R3HCC1L: variants seen among roughly 807,000 people sequenced by gnomAD.
The protein encoded by R3HCC1L is R3H domain and coiled-coil containing 1 like.
R3HCC1L carries 51 observed loss-of-function variants against 59.9 expected under a neutral mutation model. The ratio of observed to expected loss-of-function variants is 0.85; its 90% CI spans 0.68 to 1.07. The LOEUF (loss-of-function observed/expected upper bound fraction) is 1.07, where lower values mean the gene tolerates loss of function less well. Among genes scored for constraint, R3HCC1L ranks in the 50% least tolerant of loss-of-function variants. R3HCC1L has a pLI of 0.00. For missense variants in R3HCC1L, 965 were observed against 933.0 expected, an observed-to-expected ratio of 1.03 and a Z score of -0.45; for synonymous variants, 322 against 315.2, an observed-to-expected ratio of 1.02 and a Z score of -0.23.
chr10:98,163,924 G>A (rs1223228424), intron 4 of R3HCC1L, among the ~76,000 whole-genome samples: 1 of 152,162 alleles, frequency 6.6e-6, no homozygotes, highest in Non-Finnish European at 1.5e-5. Context: ...ATAAGTATTT[G>A]TTGTCAGTTA....
intron 9 of R3HCC1L, among the ~76,000 whole-genome samples, chr10:98,243,096 C>A (rs143080002): frequency 1.6e-4 from 24 of 152,310 alleles, no homozygotes; most frequent in African/African-American, 5.8e-4. Context: ...AACTTCTTTG[C>A]CCTTAAAGTA....
At chr10:98,149,267 T>G (rs1215975898) in intron 1 of R3HCC1L, among the ~76,000 whole-genome samples, 1 of 152,142 alleles carries the variant, frequency 6.6e-6, no homozygotes, top group East Asian at 1.9e-4. Context: ...TTTTTCTTAG[T>G]TTAGCTGAAG....
rs1856428556 is a variant in R3HCC1L, at chr10:98,231,757, A to G, written c.1961+70A>G. 5 of 1,402,334 alleles carry G rather than the reference A, an allele frequency of 3.6e-6. 1 individual carries two copies. The South Asian group carries it at 7.1e-5, about 20-fold the overall frequency. The allele number at this position is 1,402,334 out of a possible 1,614,324, so 86.9% of individuals were successfully genotyped here. A position where few individuals can be genotyped will look rare whatever the true frequency, so the allele number is the denominator to read the frequency against. On this transcript the variant is annotated intron_variant, in intron 6 of 9. Transcript: ENST00000298999. ...GTCTTTAAAAAATGTTTTCTGAGAA[A>G]TCATCTCTTGTTTTTTATATCCCGT...
intron 9 of R3HCC1L, 128 bp downstream of exon 9, chr10:98,236,292 A>G: frequency 8.0e-7 from 1 of 1,257,542 alleles, no homozygotes; most frequent in South Asian, 1.4e-5. Context: ...TCCTAAGTGT[A>G]TAGAAATTTT....
At chr10:98,211,462 A>T in intron 5 of R3HCC1L, 1 of 1,309,174 alleles carries the variant, frequency 7.6e-7, no homozygotes, top group Non-Finnish European at 1.0e-6. Context: ...AGGTTAAGAA[A>T]TAATAATAAG....
Position 98,230,439 on chromosome 10 carries a change from A to AT in R3HCC1L, c.1786-1065dup, listed in dbSNP as rs770582779. On this transcript the variant is annotated intron_variant, in intron 5 of 9. Coordinates refer to ENST00000298999, the MANE Select transcript of R3HCC1L (RefSeq NM_001351015.2). ...GATCGGTGGTGATATCCCCTTTATC[A>AT]TTTTTTTTGCGTCTATTTGATTCTT... is the stretch of plus-strand genomic sequence containing the variant. Among the ~76,000 whole-genome samples the AT allele has an allele frequency of 4.5e-3, 681 of 151,498 alleles. 9 individuals are homozygous for AT. The highest frequency in any genetic ancestry group is 0.011 in the Admixed American group (160 of 15,216).
intron 5 of R3HCC1L, chr10:98,211,273 A>C: frequency 7.6e-7 from 1 of 1,317,414 alleles, no homozygotes; most frequent in Non-Finnish European, 1.1e-6. Context: ...CAAATTATTT[A>C]GCCCAGCAAA....
At chr10:98,165,898 G>A (rs1196845517) in intron 4 of R3HCC1L, among the ~76,000 whole-genome samples, 1 of 152,070 alleles carries the variant, frequency 6.6e-6, no homozygotes, top group Non-Finnish European at 1.5e-5. Flanking sequence ...GGGACCAGGT[G>A]CGATGGCTCA....
At chr10:98,166,880 T>A (rs1847998074) in intron 4 of R3HCC1L, among the ~76,000 whole-genome samples, 2 of 152,232 alleles carry the variant, frequency 1.3e-5, no homozygotes, top group South Asian at 2.1e-4. Context: ...TTAGCCAGGA[T>A]GGTCTCGATC....
At chr10:98,217,422 A>G (rs1193978021) in intron 5 of R3HCC1L, among the ~76,000 whole-genome samples, 2 of 152,082 alleles carry the variant, frequency 1.3e-5, no homozygotes, top group Non-Finnish European at 2.9e-5. Flanking sequence ...CTACAGCTTT[A>G]CAGTATTTTT....
At chr10:98,229,977 G>T (rs1161364897) in intron 5 of R3HCC1L, among the ~76,000 whole-genome samples, 4 of 152,142 alleles carry the variant, frequency 2.6e-5, no homozygotes, top group East Asian at 1.9e-4. Context: ...GCTGCATTCG[G>T]TTTGCCAGTA....
Position 98,231,511 on chromosome 10 carries a change from GT to G in R3HCC1L, c.1787del (p.Leu596TyrfsTer74). The G allele has an allele frequency of 6.2e-7, 1 of 1,609,666 alleles. No individual in the cohort carries two copies. The highest frequency in any genetic ancestry group is 8.5e-7 in the Non-Finnish European group (1 of 1,178,834). On this transcript the variant is annotated frameshift_variant and splice_region_variant, in exon 6 of 10. Coordinates refer to ENST00000298999, the MANE Select transcript of R3HCC1L (RefSeq NM_001351015.2). LOFTEE classifies it high-confidence loss of function. ...DCLDPRLLQE[L>X]SGNTKSRESI... ...CACTTAACGTGCTTCTTCCTTTCTA[GT>G]TATCAGGGAATACCAAGAGCAGAGA...
At chr10:98,223,524 C>A (rs1349270467) in intron 5 of R3HCC1L, among the ~76,000 whole-genome samples, 1 of 151,610 alleles carries the variant, frequency 6.6e-6, no homozygotes, top group African/African-American at 2.4e-5. Context: ...GATTGGCTTT[C>A]ATAGGGAAAA....
intron 4 of R3HCC1L, among the ~76,000 whole-genome samples, chr10:98,166,722 T>G (rs1442176282): frequency 6.6e-6 from 1 of 152,166 alleles, no homozygotes; most frequent in Non-Finnish European, 1.5e-5. Flanking sequence ...GGAAGCTTCA[T>G]TTTTACTCTC....
At chr10:98,191,084 C>T (rs1055885541) in intron 4 of R3HCC1L, among the ~76,000 whole-genome samples, 19 of 152,158 alleles carry the variant, frequency 1.2e-4, no homozygotes, top group Admixed American at 3.9e-4. Flanking sequence ...TCCAAGTCTT[C>T]GCTATTGTGA....
At chr10:98,181,276 T>A (rs1849595199) in intron 4 of R3HCC1L, among the ~76,000 whole-genome samples, 1 of 152,214 alleles carries the variant, frequency 6.6e-6, no homozygotes, top group Non-Finnish European at 1.5e-5. Context: ...ATTTTATTTC[T>A]CCTTCACTTA....
intron 4 of R3HCC1L, among the ~76,000 whole-genome samples, chr10:98,203,694 T>G (rs1294132939): frequency 6.6e-6 from 1 of 152,204 alleles, no homozygotes; most frequent in Non-Finnish European, 1.5e-5. Context: ...TGTTCTGTTG[T>G]GAAAATATGA....
chr10:98,146,029 C>G (rs2133933216), intron 1 of R3HCC1L, among the ~76,000 whole-genome samples: 1 of 152,230 alleles, frequency 6.6e-6, no homozygotes, highest in African/African-American at 2.4e-5. Context: ...CTTGGTCACC[C>G]ATCTATTTAC....
intron 4 of R3HCC1L, among the ~76,000 whole-genome samples, chr10:98,190,420 C>T (rs1850699956): frequency 6.6e-6 from 1 of 152,080 alleles, no homozygotes. Context: ...GCTCTACAAC[C>T]AGAATTACAA....
Sources: allele counts gnomAD v4.1 joint callset (sites outside exome capture counted in the v4.1 genomes callset), GRCh38; gene constraint gnomAD v4.1.1; transcripts MANE v1.5; gene names NCBI Gene and HGNC (gene_info 2026-07-23, HGNC 2026-07-21).